NYNRIN: variants seen among roughly 807,000 people sequenced by gnomAD.
NYNRIN encodes the protein NYN domain and retroviral integrase containing.
A neutral mutation model predicts 146.6 loss-of-function variants in NYNRIN; 86 were observed. That is an observed-to-expected ratio of 0.59 (90% confidence interval 0.49 to 0.70). The LOEUF (loss-of-function observed/expected upper bound fraction) is 0.70, where lower values mean the gene tolerates loss of function less well. NYNRIN is among the 30% of genes least tolerant of loss of function. The pLI, the probability that NYNRIN is intolerant of heterozygous loss-of-function variation, is 0.00. For synonymous variants in NYNRIN, 1,027 were observed against 1,001.3 expected (o/e 1.03, Z -0.48); for missense variants, 2,191 against 2,377.7 (o/e 0.92, Z 1.63).
chr14:24,399,724 T>C (rs939933499), intron 2 of NYNRIN, among the ~76,000 whole-genome samples: 6 of 152,126 alleles, frequency 3.9e-5, no homozygotes, highest in African/African-American at 1.4e-4. Context: ...CCTCGGTGTG[T>C]GTCCCCCATG....
Position 24,414,720 on chromosome 14 carries a change from G to T in NYNRIN, c.2971G>T (p.Glu991Ter). The T allele has an allele frequency of 6.2e-7, 1 of 1,613,566 alleles. No homozygotes were observed. Among genetic ancestry groups the T allele is most frequent in the Non-Finnish European group, 8.5e-7 (1 of 1,179,658 alleles). The change falls in exon 9 of 9, where the codon GAA (glutamate) becomes TAA (stop). Residue 991 changes from glutamate to a stop codon, truncating the protein, a stop_gained. Coordinates refer to ENST00000382554, the MANE Select transcript of NYNRIN (RefSeq NM_025081.3). LOFTEE classifies it high-confidence loss of function. Reference sequence around the variant, plus strand: ...CCTGGAGAGTCTGCCGAATATGGAAGAAGTCAGGGAAGAGAAGGAGGAGAG... The same window carrying T: ...CCTGGAGAGTCTGCCGAATATGGAATAAGTCAGGGAAGAGAAGGAGGAGAG... ...GPLESLPNME[E>*]VREEKEERQD...
In NYNRIN at chr14:24,415,163, C is replaced by T; in HGVS notation, c.3414C>T (p.Phe1138=). Residue 1138 remains phenylalanine (F), a synonymous_variant, in exon 9 of 9, where the codon TTC becomes TTT. Coordinates refer to ENST00000382554, the MANE Select transcript of NYNRIN (RefSeq NM_025081.3). ...GGGACCAGGAGCATGAGGAGGCCTTCCTGGCCCTGAAGCGAGCCCTGGTGT... is the reference window on the plus strand; with the variant it reads ...GGGACCAGGAGCATGAGGAGGCCTTTCTGGCCCTGAAGCGAGCCCTGGTGT... ...WQWDQEHEEA[F]LALKRALVSA... 6.2e-7 allele frequency: 1 copy of T among 1,606,810 alleles called. No homozygotes were observed.
chr14:24,402,128 CT>C (rs1255798670), intron 2 of NYNRIN, among the ~76,000 whole-genome samples: 1 of 152,108 alleles, frequency 6.6e-6, no homozygotes, highest in East Asian at 1.9e-4. Flanking sequence ...GAGTGTGTTT[CT>C]ATGTGGTTGG....
At position 24,418,068 on chromosome 14, in the gene NYNRIN, G is replaced by A. The variant is rs1338300545; in HGVS notation, c.*622G>A. The A allele has an allele frequency of 1.2e-5, 4 of 345,686 alleles. No individual in the cohort carries two copies. The highest frequency in any genetic ancestry group is 1.0e-3 in the Middle Eastern group (1 of 982). 21.4% of individuals were successfully genotyped at this position (345,686 alleles called of 1,614,324 possible). A position where few individuals can be genotyped will look rare whatever the true frequency, so the allele number is the denominator to read the frequency against. On this transcript the variant is annotated 3_prime_UTR_variant, in exon 9 of 9. Coordinates refer to ENST00000382554, the MANE Select transcript of NYNRIN (RefSeq NM_025081.3). ...GGCTGGCCATCCTCCCAGGCCTCAA[G>A]GGCAGTGTCTTGGAGTGGGAGGATG...
Position 24,402,469 on chromosome 14 carries a change from T to C in NYNRIN, c.198+3025T>C, listed in dbSNP as rs186376629. On this transcript the variant is annotated intron_variant, in intron 2 of 8. Coordinates refer to ENST00000382554, the MANE Select transcript of NYNRIN (RefSeq NM_025081.3). ...GCAAGAGTACCTTCTGGAGACTGGG[T>C]TCTGGAGCTCTGGGACAGGGTGTGG... Among the ~76,000 whole-genome samples, 218 of 152,156 alleles carry C rather than the reference T, an allele frequency of 1.4e-3. 2 individuals carry two copies. Among genetic ancestry groups the C allele is most frequent in the Middle Eastern group, 3.4e-3 (1 of 294 alleles).
rs1317607817 is a variant in NYNRIN, at chr14:24,399,297, G to A, written c.51G>A (p.Gln17=). Residue 17 remains glutamine, a synonymous_variant, in exon 2 of 9, where the codon CAG becomes CAA. Transcript: ENST00000382554. The part of the protein sequence containing the change: ...DPPAQEWFMV[Q]TKSKPRVQRQ... ...CGGCGCAGGAATGGTTCATGGTGCAGACAAAATCGAAGCCTCGGGTGCAGC... is the reference window on the plus strand; with the variant it reads ...CGGCGCAGGAATGGTTCATGGTGCAAACAAAATCGAAGCCTCGGGTGCAGC... 1.2e-6 allele frequency: 2 copies of A among 1,614,002 alleles called. No homozygotes were observed. Among genetic ancestry groups the A allele is most frequent in the Non-Finnish European group, 1.7e-6 (2 of 1,179,880 alleles).
rs1387555278 is a variant in NYNRIN, at chr14:24,416,423, GC to G, written c.4677del (p.Glu1560LysfsTer20). The part of the protein sequence containing the change: ...HDIPLGAHQR[P>X]EETYKKLRLL... The stretch of plus-strand genomic sequence containing the variant: ...ACATTCCCTTGGGGGCCCACCAGAG[GC>G]CCGAAGAGACCTACAAGAAGTTGCG... On this transcript the variant is annotated frameshift_variant, in exon 9 of 9. Transcript: ENST00000382554. LOFTEE classifies it high-confidence loss of function. The G allele has an allele frequency of 6.2e-7, 1 of 1,612,948 alleles. No individual in the cohort carries two copies. Among genetic ancestry groups the G allele is most frequent in the African/African-American group, 1.3e-5 (1 of 74,920 alleles).
Position 24,418,361 on chromosome 14 carries a change from C to A in NYNRIN, c.*915C>A. On this transcript the variant is annotated 3_prime_UTR_variant, in exon 9 of 9. Coordinates refer to ENST00000382554, the MANE Select transcript of NYNRIN (RefSeq NM_025081.3). Reference sequence around the variant, plus strand: ...ACGGTGAAGTGCTGGCATGGCTCTACCTCCCAACCCCTCCCAACCCCATCC... The same window carrying A: ...ACGGTGAAGTGCTGGCATGGCTCTAACTCCCAACCCCTCCCAACCCCATCC... The A allele has an allele frequency of 2.4e-6, 1 of 424,342 alleles. No individual in the cohort carries two copies. Among genetic ancestry groups the A allele is most frequent in the South Asian group, 1.7e-5 (1 of 58,948 alleles). The allele number at this position is 424,342 out of a possible 1,614,324, so 26.3% of individuals were successfully genotyped here.
rs1302527697 is a variant in NYNRIN, at chr14:24,419,227, C to T, written c.*1781C>T. ...TGTTAGCTACATTTGTGATCACATA[C>T]CCTTCTTTTAAGTGAATTTTTTTCA... On this transcript the variant is annotated 3_prime_UTR_variant, in exon 9 of 9. Transcript: ENST00000382554. 6.6e-6 allele frequency: 1 copy of T among 152,152 alleles called. No homozygotes were observed. Among genetic ancestry groups the T allele is most frequent in the African/African-American group, 2.4e-5 (1 of 41,402 alleles). The allele number at this position is 152,152 out of a possible 1,614,324, so 9.4% of individuals were successfully genotyped here. A position where few individuals can be genotyped will look rare whatever the true frequency, so the allele number is the denominator to read the frequency against.
rs747882266 is a variant in NYNRIN, at chr14:24,416,214, G to T, written c.4465G>T (p.Ala1489Ser). Residue 1489 changes from alanine to serine, a missense_variant, in exon 9 of 9, where the codon GCC (alanine) becomes TCC (serine). Ala to Ser is a moderately conservative substitution (Grantham distance 99). Coordinates refer to ENST00000382554, the MANE Select transcript of NYNRIN (RefSeq NM_025081.3). ...LALQLSDSTL[A>S]DIIARLQAGQ... Reference sequence around the variant, plus strand: ...ATTACAGCTGAGTGACAGCACCCTGGCCGACATCATTGCCAGGCTGCAGGC... The same window carrying T: ...ATTACAGCTGAGTGACAGCACCCTGTCCGACATCATTGCCAGGCTGCAGGC... 3.1e-6 allele frequency: 5 copies of T among 1,613,960 alleles called. No individual in the cohort carries two copies. Among genetic ancestry groups the T allele is most frequent in the Non-Finnish European group, 4.2e-6 (5 of 1,179,902 alleles).
intron 6 of NYNRIN, among the ~76,000 whole-genome samples, chr14:24,412,098 C>T (rs1038385400): frequency 2.0e-5 from 3 of 152,194 alleles, no homozygotes; most frequent in Non-Finnish European, 4.4e-5. Flanking sequence ...AGGCAACTCT[C>T]ATGCCAGGCA....
Position 24,408,532 on chromosome 14 carries a change from G to T in NYNRIN, c.857+5G>T. ...GGCAGCAAACCAGCTGGTACGGTAAGTTCTGGAGAATGAGCCTGGCTTCTC... is the reference window on the plus strand; with the variant it reads ...GGCAGCAAACCAGCTGGTACGGTAATTTCTGGAGAATGAGCCTGGCTTCTC... On this transcript the variant is annotated splice_donor_5th_base_variant and intron_variant, in intron 3 of 8. Coordinates refer to ENST00000382554, the MANE Select transcript of NYNRIN (RefSeq NM_025081.3). 6.4e-7 allele frequency: 1 copy of T among 1,561,358 alleles called. No individual in the cohort carries two copies.
chr14:24,399,142 A>T, intron 1 of NYNRIN, 56 bp downstream of exon 1: 1 of 1,034,270 alleles, frequency 9.7e-7, no homozygotes, highest in Non-Finnish European at 1.4e-6. Context: ...CGCGGGGAGG[A>T]GGGGGCGTGG....
In NYNRIN at chr14:24,418,589, C is replaced by T. The variant is rs749652943; in HGVS notation, c.*1143C>T. ...TGTGAGTTCCTTCCAGGTGTGTGCG[C>T]GTACACTCACCCTCTGAATTGCTGC... On this transcript the variant is annotated 3_prime_UTR_variant, in exon 9 of 9. Transcript: ENST00000382554. 6.2e-5 allele frequency: 11 copies of T among 177,168 alleles called. No homozygotes were observed. Among genetic ancestry groups the T allele is most frequent in the Non-Finnish European group, 9.7e-5 (8 of 82,638 alleles). The allele number at this position is 177,168 out of a possible 1,614,324, so 11.0% of individuals were successfully genotyped here. A position where few individuals can be genotyped will look rare whatever the true frequency, so the allele number is the denominator to read the frequency against.
At position 24,408,747 on chromosome 14, in the gene NYNRIN, C is replaced by A. The variant is rs772650230; in HGVS notation, c.953C>A (p.Ala318Asp). ...SSQDSTNHTQALLKQRQVQKI... is the reference protein window; with the variant it reads ...SSQDSTNHTQDLLKQRQVQKI... ...CAGGACTCCACGAACCACACACAAG[C>A]CTTGTTGAAGCAAAGGCAGGTCCAG... The change falls in exon 4 of 9, where the codon GCC (alanine) becomes GAC (aspartate). Residue 318 changes from alanine (A) to aspartate (D), a missense_variant. Around this residue, in one of 3 missense-constraint regions of NYNRIN, gnomAD observed 895 missense variants for 941.2 expected, o/e 0.95. Coordinates refer to ENST00000382554, the MANE Select transcript of NYNRIN (RefSeq NM_025081.3). 67 of 1,613,980 alleles carry A rather than the reference C, an allele frequency of 4.2e-5. 1 individual carries two copies. In the Admixed American group the frequency reaches 5.5e-4, roughly 13 times the overall value.
chr14:24,413,094 GA>G lies in NYNRIN; in HGVS notation c.2741del (p.Asp914ValfsTer31). 3 of 1,579,110 alleles carry G rather than the reference GA, an allele frequency of 1.9e-6. No individual in the cohort carries two copies. The highest frequency in any genetic ancestry group is 2.6e-6 in the Non-Finnish European group (3 of 1,159,986). On this transcript the variant is annotated frameshift_variant, in exon 7 of 9. Coordinates refer to ENST00000382554, the MANE Select transcript of NYNRIN (RefSeq NM_025081.3). LOFTEE classifies it high-confidence loss of function. ...MNSSKKLMVK[D>X]RLLPFTFAGN... ...TAGTTCCAAGAAACTGATGGTCAAA[GA>G]TCGGTAAGATGGTCCCCAGAGGCTT... is the stretch of plus-strand genomic sequence containing the variant.
At position 24,411,203 on chromosome 14, in the gene NYNRIN, A is replaced by C. The variant is rs1432991773; in HGVS notation, c.2542A>C (p.Arg848=). The change falls in exon 5 of 9, where the codon AGA becomes CGA. Residue 848 remains arginine (R), a synonymous_variant. Coordinates refer to ENST00000382554, the MANE Select transcript of NYNRIN (RefSeq NM_025081.3). This position sits in a 1 kb window ranked among gnomAD's most constrained non-coding sequence, Gnocchi z 4.3. ...GCAGCTGAAGAAGAACCGGAGGGTGAGAGGTGAGGTGTCCCCTGCCTGCCC... is the reference window on the plus strand; with the variant it reads ...GCAGCTGAAGAAGAACCGGAGGGTGCGAGGTGAGGTGTCCCCTGCCTGCCC... ...TWQLKKNRRV[R]ESHFLTKLHS... 4 of 1,605,268 alleles carry C rather than the reference A, an allele frequency of 2.5e-6. No homozygotes were observed. The highest frequency in any genetic ancestry group is 3.4e-6 in the Non-Finnish European group (4 of 1,175,604).
At position 24,411,840 on chromosome 14, in the gene NYNRIN, G is replaced by A. The variant is rs1254141766; in HGVS notation, c.2642+390G>A. On this transcript the variant is annotated intron_variant, in intron 6 of 8. Transcript: ENST00000382554. This position sits in a 1 kb window ranked among gnomAD's most constrained non-coding sequence, Gnocchi z 4.3. ...CCCTCGGAGCCCCGGCACTGGTGGA[G>A]GTCTGTGCATGGCTGATGTGGATGG... 6.6e-6 allele frequency among the ~76,000 whole-genome samples: 1 copy of A among 152,190 alleles called. No homozygotes were observed. Among genetic ancestry groups the A allele is most frequent in the Admixed American group, 6.5e-5 (1 of 15,282 alleles).
chr14:24,399,205 GACA>G (rs1186279977), intron 1 of NYNRIN, 22 bp from the exon 2 acceptor site: 34 of 1,593,698 alleles, frequency 2.1e-5, no homozygotes, highest in Non-Finnish European at 2.8e-5. Context: ...AGACCCGGGT[GACA>G]CTATCGTCTC....
Sources: allele counts gnomAD v4.1 joint callset (sites outside exome capture counted in the v4.1 genomes callset), GRCh38; gene constraint gnomAD v4.1.1; regional missense constraint gnomAD v4.1.1; non-coding constraint Gnocchi (gnomAD v3.1); transcripts MANE v1.5; gene names NCBI Gene and HGNC (gene_info 2026-07-23, HGNC 2026-07-21).